Variants in PBLD observed in about 807,000 individuals in gnomAD.
PBLD encodes the protein phenazine biosynthesis-like domain-containing protein.
PBLD carries 26 observed loss-of-function variants against 31.3 expected under a neutral mutation model. The observed-to-expected ratio is 0.83, with a 90% CI of 0.61 to 1.15. The LOEUF is 1.15. Among genes scored for constraint, PBLD ranks in the 50% most tolerant of loss-of-function variants. The pLI is 0.00. For missense variants in PBLD, 307 were observed against 351.7 expected (o/e 0.87, Z 1.02); for synonymous variants, 114 against 129.0 (o/e 0.88, Z 0.79).
intron 6 of PBLD, 38 bp from the exon 7 acceptor site, chr10:68,289,057 C>A (rs1421112784): frequency 1.3e-6 from 2 of 1,514,552 alleles, no homozygotes; most frequent in Non-Finnish European, 1.8e-6. Flanking sequence ...GGGACATGCC[C>A]TGGGCCAAGT....
chr10:68,332,512 C>T (rs1038494411), intron 1 of PBLD, among the ~76,000 whole-genome samples: 4 of 152,240 alleles, frequency 2.6e-5, no homozygotes, highest in Admixed American at 1.3e-4. Flanking sequence ...ATTTTGGGTA[C>T]AGTGGCGCGG....
intron 1 of PBLD, among the ~76,000 whole-genome samples, chr10:68,317,888 G>A (rs2044756106): frequency 6.6e-6 from 1 of 151,966 alleles, no homozygotes; most frequent in Non-Finnish European, 1.5e-5. Context: ...ACTTCAAAAT[G>A]GTTAAGAGGG....
intron 1 of PBLD, among the ~76,000 whole-genome samples, chr10:68,316,447 G>A (rs1479776272): frequency 6.6e-6 from 1 of 152,002 alleles, no homozygotes; most frequent in Non-Finnish European, 1.5e-5. Context: ...TTCAGTTTGA[G>A]AAACAGAAAA....
chr10:68,296,299 G>A lies in PBLD; in HGVS notation c.250C>T (p.Leu84=), dbSNP rs368931669. 4.3e-6 allele frequency: 7 copies of A among 1,613,862 alleles called. No individual in the cohort carries two copies. In the African/African-American group the frequency reaches 9.3e-5, roughly 22 times the overall value. The change falls in exon 4 of 10, where the codon CTG becomes TTG. Residue 84 remains leucine (L), a synonymous_variant. Coordinates refer to ENST00000358769, the MANE Select transcript of PBLD (RefSeq NM_022129.4). ...SEVPLCGHAT[L]ASAAVLFHKI... The stretch of plus-strand genomic sequence containing the variant: ...TGAAACAGCACAGCTGCAGAAGCCA[G>A]GGTGGCATGGCCACAGAGTGGGACC...
chr10:68,292,949 C>T (rs1301734546), intron 4 of PBLD, among the ~76,000 whole-genome samples: 1 of 152,190 alleles, frequency 6.6e-6, no homozygotes, highest in Non-Finnish European at 1.5e-5. Flanking sequence ...CAGCCTTGAC[C>T]TCCTGAGCTC....
chr10:68,297,165 T>C lies in PBLD; in HGVS notation c.85-180A>G, dbSNP rs75603645. ...AAGATTGGTTCTCAGAAACCCATGCTTGCAGTGCCCTGTGAAGAAGGGTTA... is the reference window on the plus strand; with the variant it reads ...AAGATTGGTTCTCAGAAACCCATGCCTGCAGTGCCCTGTGAAGAAGGGTTA... On this transcript the variant is annotated intron_variant, in intron 2 of 9. Transcript: ENST00000358769. 1,424 of 604,536 alleles carry C rather than the reference T, an allele frequency of 2.4e-3. 22 individuals carry two copies. The highest frequency in any genetic ancestry group is 0.023 in the African/African-American group (1,221 of 53,938). 37.4% of individuals were successfully genotyped at this position (604,536 alleles called of 1,614,324 possible).
chr10:68,306,963 A>G (rs2044589242), intron 1 of PBLD, 60 bp from the exon 2 acceptor site: 2 of 686,538 alleles, frequency 2.9e-6, no homozygotes, highest in African/African-American at 1.8e-5. Flanking sequence ...CGCAAAGAAC[A>G]GTTCCCAGAT....
At chr10:68,295,607 T>C (rs2134445093) in intron 4 of PBLD, among the ~76,000 whole-genome samples, 1 of 152,204 alleles carries the variant, frequency 6.6e-6, no homozygotes, top group South Asian at 2.1e-4. Context: ...TCTCATATCG[T>C]ATGAGATGAC....
chr10:68,297,849 G>A (rs1019568011), intron 2 of PBLD, among the ~76,000 whole-genome samples: 6 of 151,898 alleles, frequency 4.0e-5, no homozygotes, highest in African/African-American at 1.2e-4. Context: ...GCTCACGCCT[G>A]TAATCCCAGC....
intron 4 of PBLD, among the ~76,000 whole-genome samples, chr10:68,294,287 C>T (rs1045326662): frequency 4.5e-4 from 69 of 152,286 alleles, no homozygotes; most frequent in African/African-American, 1.5e-3. Context: ...CAAAGTTCCC[C>T]TTCTCTGGTG....
intron 1 of PBLD, among the ~76,000 whole-genome samples, chr10:68,312,993 C>T (rs1450318207): frequency 6.6e-6 from 1 of 152,070 alleles, no homozygotes; most frequent in Admixed American, 6.6e-5. Flanking sequence ...CAGTTCACTG[C>T]AGCCTCGACC....
At chr10:68,329,675 T>G (rs1408443920) in intron 1 of PBLD, among the ~76,000 whole-genome samples, 2 of 152,120 alleles carry the variant, frequency 1.3e-5, no homozygotes, top group Admixed American at 1.3e-4. Context: ...TCAGTGATAA[T>G]GGGACTATAA....
intron 1 of PBLD, among the ~76,000 whole-genome samples, chr10:68,332,547 C>T (rs1219990345): frequency 6.6e-6 from 1 of 152,214 alleles, no homozygotes; most frequent in Non-Finnish European, 1.5e-5. Flanking sequence ...CGCCCTTCCC[C>T]GCTCTTTTTA....
intron 1 of PBLD, among the ~76,000 whole-genome samples, chr10:68,323,784 G>T (rs2044871960): frequency 6.6e-6 from 1 of 152,060 alleles, no homozygotes; most frequent in Admixed American, 6.6e-5. Context: ...CATTCCATTT[G>T]TTTGATAGTT....
intron 8 of PBLD, 48 bp from the exon 9 acceptor site, chr10:68,285,458 C>T (rs779711424): frequency 1.3e-5 from 20 of 1,550,066 alleles, no homozygotes; most frequent in South Asian, 7.4e-5. Context: ...AAAACAGAGG[C>T]GATTTTGTGG....
rs2044687784 is a variant in PBLD at position 68,312,765 on chromosome 10, AT to A, written c.-59-5863del. ...GCTGGTACTACAGGCGCCCGCCACC[AT>A]GGCCTGGCTAATTTTTTTGTATTTT... On this transcript the variant is annotated intron_variant, in intron 1 of 9. Coordinates refer to ENST00000358769, the MANE Select transcript of PBLD (RefSeq NM_022129.4). 3.2e-3 allele frequency among the ~76,000 whole-genome samples: 3 copies of A among 938 alleles called. No homozygotes were observed. In the South Asian group the frequency reaches 0.12, roughly 36 times the overall value. 0.6% of individuals were successfully genotyped at this position (938 alleles called of 152,430 possible).
intron 1 of PBLD, among the ~76,000 whole-genome samples, chr10:68,319,618 G>A (rs1410021979): frequency 6.6e-6 from 1 of 151,990 alleles, no homozygotes; most frequent in African/African-American, 2.4e-5. Flanking sequence ...CTACTCAGGA[G>A]GCTGAGGCAG....
intron 1 of PBLD, among the ~76,000 whole-genome samples, chr10:68,319,025 G>A (rs1272684727): frequency 7.2e-6 from 1 of 139,158 alleles, no homozygotes; most frequent in Admixed American, 7.8e-5. Context: ...GAGAGAGGGA[G>A]AGAGAAGGAA....
At position 68,284,054 on chromosome 10, in the gene PBLD, C is replaced by T. The variant is rs1444701788; in HGVS notation, c.*123G>A. The T allele has an allele frequency of 1.3e-5, 12 of 932,452 alleles. No individual in the cohort carries two copies. The highest frequency in any genetic ancestry group is 2.6e-5 in the East Asian group (1 of 39,186). 57.8% of individuals were successfully genotyped at this position (932,452 alleles called of 1,614,324 possible). Reference sequence around the variant, plus strand: ...GAGCCACTGCGCCTGGCCCATTTTTCGATTTTTAACATGAGGATTAAGTAG... The same window carrying T: ...GAGCCACTGCGCCTGGCCCATTTTTTGATTTTTAACATGAGGATTAAGTAG... On this transcript the variant is annotated 3_prime_UTR_variant, in exon 10 of 10. Transcript: ENST00000358769.
Sources: allele counts gnomAD v4.1 joint callset (sites outside exome capture counted in the v4.1 genomes callset), GRCh38; gene constraint gnomAD v4.1.1; transcripts MANE v1.5; gene names NCBI Gene and HGNC (gene_info 2026-07-23, HGNC 2026-07-21).